Variants in KIF2C observed in about 807,000 individuals in gnomAD.
KIF2C encodes kinesin family member 2C, also known as kinesin-like protein KIF2C.
In KIF2C, 34 loss-of-function variants were observed where a neutral mutation model predicts 97.4. The observed-to-expected ratio is 0.35, with a 90% CI of 0.27 to 0.46. The LOEUF is 0.46. Ranked by LOEUF, KIF2C falls within the 20% of genes least tolerant of loss-of-function variation. The pLI is 1.00. For synonymous variants in KIF2C, 313 were observed against 318.2 expected, an observed-to-expected ratio of 0.98 and a Z score of 0.17; for missense variants, 750 against 907.6, an observed-to-expected ratio of 0.83 and a Z score of 2.23.
rs551981036 is a variant in KIF2C at position 44,754,185 on chromosome 1, T to C, written c.663+352T>C. On this transcript the variant is annotated intron_variant, in intron 7 of 20. Transcript: ENST00000372224. The stretch of plus-strand genomic sequence containing the variant: ...GTCTGGAATGCTTGGCCTTCCAAAG[T>C]GCTGGGATTGTAGGCATGAGCTGTT... Among the ~76,000 whole-genome samples the C allele has an allele frequency of 5.9e-5, 9 of 152,140 alleles. No homozygotes were observed. In the South Asian group the frequency reaches 1.2e-3, roughly 21 times the overall value.
chr1:44,743,595 C>T (rs1158673419), intron 2 of KIF2C, among the ~76,000 whole-genome samples: 1 of 152,042 alleles, frequency 6.6e-6, no homozygotes, highest in Admixed American at 6.6e-5. Flanking sequence ...TTGAGTCCAT[C>T]CTGGGCAAAT....
In KIF2C at chr1:44,766,808, G is replaced by A. The variant is rs1650493303; in HGVS notation, c.1972-18G>A. The A allele has an allele frequency of 1.9e-6, 3 of 1,613,476 alleles. No homozygotes were observed. The South Asian group carries it at 3.3e-5, about 18-fold the overall frequency. ...GCTAAATGGTTATTGAACTGACAAG[G>A]TCCTCCCTGTGTTGTAGCAAGGACC... On this transcript the variant is annotated intron_variant, in intron 19 of 20. Coordinates refer to ENST00000372224, the MANE Select transcript of KIF2C (RefSeq NM_006845.4).
In KIF2C at chr1:44,762,399, T is replaced by A. The variant is rs1346209281; in HGVS notation, c.1805T>A (p.Met602Lys). The change falls in exon 18 of 21, where the codon ATG becomes AAG. Residue 602 changes from methionine to lysine, a missense_variant. Met to Lys is a moderately conservative substitution (Grantham distance 95, BLOSUM62 -1). Transcript: ENST00000372224. ...SGPSGEQLIQ[M>K]ETEEMEACSN... ...CCCAGTGGAGAGCAGTTGATTCAAA[T>A]GGAAACAGAAGAGATGGAAGCCTGC... The A allele has an allele frequency of 6.2e-7, 1 of 1,613,980 alleles. No individual in the cohort carries two copies. Among genetic ancestry groups the A allele is most frequent in the Non-Finnish European group, 8.5e-7 (1 of 1,180,042 alleles).
intron 1 of KIF2C, 73 bp downstream of exon 1, chr1:44,740,075 A>C (rs767756546): frequency 1.3e-6 from 2 of 1,530,242 alleles, no homozygotes; most frequent in East Asian, 4.5e-5. Context: ...CCGTCCCCGG[A>C]CACACAGATG....
chr1:44,752,838 C>T (rs1018226983), intron 5 of KIF2C, among the ~76,000 whole-genome samples: 8 of 152,200 alleles, frequency 5.3e-5, no homozygotes, highest in African/African-American at 1.9e-4. Context: ...GCCTGAGAAC[C>T]CATGCTTGGG....
Position 44,756,181 on chromosome 1 carries a change from A to G in KIF2C, c.921A>G (p.Gln307=). ...KVDLTKYLEN[Q]AFCFDFAFDE... ...ACTTAACAAAGTATCTGGAGAACCA[A>G]GCATTCTGCTTTGACTTTGCATTTG... The change falls in exon 10 of 21, where the codon CAA becomes CAG. Residue 307 remains glutamine, a synonymous_variant. Transcript: ENST00000372224. 6.2e-7 allele frequency: 1 copy of G among 1,614,238 alleles called. No individual in the cohort carries two copies. Among genetic ancestry groups the G allele is most frequent in the South Asian group, 1.1e-5 (1 of 91,086 alleles).
rs545376285 is a variant in KIF2C at position 44,760,945 on chromosome 1, G to A, written c.1683+243G>A. Reference sequence around the variant, plus strand: ...TAGGTGCAGCTCTTGGTTTGGGAGAGGTCATTCCTGCATTACCTGATGAAA... The same window carrying A: ...TAGGTGCAGCTCTTGGTTTGGGAGAAGTCATTCCTGCATTACCTGATGAAA... On this transcript the variant is annotated intron_variant, in intron 16 of 20. Transcript: ENST00000372224. The surrounding 1 kb of genome is among the most constrained non-coding windows in gnomAD (Gnocchi z 4.2). 2.1e-6 allele frequency: 1 copy of A among 478,232 alleles called. No homozygotes were observed. Among genetic ancestry groups the A allele is most frequent in the Non-Finnish European group, 3.8e-6 (1 of 262,332 alleles). 29.6% of individuals were successfully genotyped at this position (478,232 alleles called of 1,614,324 possible).
Position 44,742,940 on chromosome 1 carries a change from C to T in KIF2C, c.165+1933C>T, listed in dbSNP as rs118101826. 4.1e-3 allele frequency among the ~76,000 whole-genome samples: 620 copies of T among 152,250 alleles called. 4 individuals are homozygous for T. Among genetic ancestry groups the T allele is most frequent in the East Asian group, 6.9e-3 (36 of 5,180 alleles). Reference sequence around the variant, plus strand: ...ACAGATGAGCATTGCTAGAGCAGCTCAGAGGTGGAAACTTGCTGAGAATGG... The same window carrying T: ...ACAGATGAGCATTGCTAGAGCAGCTTAGAGGTGGAAACTTGCTGAGAATGG... On this transcript the variant is annotated intron_variant, in intron 2 of 20. Coordinates refer to ENST00000372224, the MANE Select transcript of KIF2C (RefSeq NM_006845.4).
chr1:44,742,638 G>A (rs1404224240), intron 2 of KIF2C, among the ~76,000 whole-genome samples: 4 of 149,234 alleles, frequency 2.7e-5, no homozygotes, highest in African/African-American at 9.9e-5. Flanking sequence ...AGGATCACAT[G>A]AACCTGGGAG....
chr1:44,758,871 C>T (rs1394674830), intron 13 of KIF2C, among the ~76,000 whole-genome samples: 2 of 151,908 alleles, frequency 1.3e-5, no homozygotes, highest in Admixed American at 6.6e-5. Flanking sequence ...AGCGAAACTC[C>T]GTCTCAAAAT....
At chr1:44,765,073 T>G (rs575603143) in intron 19 of KIF2C, among the ~76,000 whole-genome samples, 1 of 152,070 alleles carries the variant, frequency 6.6e-6, no homozygotes, top group Non-Finnish European at 1.5e-5. Flanking sequence ...TGAGCCGAGA[T>G]GGTGCCACTG....
intron 2 of KIF2C, among the ~76,000 whole-genome samples, chr1:44,745,700 C>T (rs1408184002): frequency 6.6e-6 from 1 of 151,500 alleles, no homozygotes. Flanking sequence ...GAACTCCCGA[C>T]CTCAGGTGAT....
rs1650090560 is a variant in KIF2C, at chr1:44,760,617, A to G, written c.1598A>G (p.Asn533Ser). 6.2e-7 allele frequency: 1 copy of G among 1,614,072 alleles called. No individual in the cohort carries two copies. The highest frequency in any genetic ancestry group is 8.5e-7 in the Non-Finnish European group (1 of 1,180,032). Reference sequence around the variant, plus strand: ...GAGTGCATCAGGGCCCTGGGACAGAACAAGGCTCACACCCCGTTCCGTGAG... The same window carrying G: ...GAGTGCATCAGGGCCCTGGGACAGAGCAAGGCTCACACCCCGTTCCGTGAG... ...LKECIRALGQ[N>S]KAHTPFRESK... Residue 533 changes from asparagine (N) to serine (S), a missense_variant, in exon 16 of 21, where the codon AAC becomes AGC. Coordinates refer to ENST00000372224, the MANE Select transcript of KIF2C (RefSeq NM_006845.4). The surrounding 1 kb of genome is among the most constrained non-coding windows in gnomAD (Gnocchi z 4.2).
At chr1:44,753,961 T>TTTTTTTTTTA in intron 7 of KIF2C, 128 bp downstream of exon 7, 1 of 199,518 alleles carries the variant, frequency 5.0e-6, no homozygotes, top group African/African-American at 2.9e-5. Flanking sequence ...CCCAATTCTT[T>TTTTTTTTTTA]TTTTTTTTTT....
intron 2 of KIF2C, among the ~76,000 whole-genome samples, chr1:44,741,866 G>A (rs1216913135): frequency 6.6e-6 from 1 of 151,836 alleles, no homozygotes; most frequent in Non-Finnish European, 1.5e-5. Context: ...GGTGGTGCAT[G>A]CCTGTGGTCC....
At chr1:44,745,410 T>G (rs1198837549) in intron 2 of KIF2C, among the ~76,000 whole-genome samples, 1 of 149,152 alleles carries the variant, frequency 6.7e-6, no homozygotes, top group East Asian at 2.0e-4. Flanking sequence ...TTTGTACATA[T>G]GACTTATAAT....
intron 16 of KIF2C, among the ~76,000 whole-genome samples, chr1:44,761,671 T>C (rs1017224637): frequency 6.6e-6 from 1 of 151,500 alleles, no homozygotes; most frequent in African/African-American, 2.4e-5. Flanking sequence ...AGTGAAGGAA[T>C]AATGAAGCAA....
intron 2 of KIF2C, 150 bp downstream of exon 2, chr1:44,741,157 C>T (rs531843714): frequency 5.1e-6 from 3 of 584,924 alleles, no homozygotes; most frequent in African/African-American, 1.9e-5. Context: ...CTGAGACGGG[C>T]AGATCACCTG....
chr1:44,747,962 A>G (rs1381150071), intron 4 of KIF2C, among the ~76,000 whole-genome samples: 1 of 152,196 alleles, frequency 6.6e-6, no homozygotes, highest in Non-Finnish European at 1.5e-5. Flanking sequence ...TGCTGAGGAG[A>G]GTAGGAATCA....
Sources: gnomAD v4.1 joint callset for allele counts (sites outside exome capture counted in the v4.1 genomes callset) on GRCh38, gnomAD v4.1.1 for gene constraint, Gnocchi (gnomAD v3.1) non-coding constraint, MANE v1.5 for transcripts, NCBI Gene and HGNC (gene_info 2026-07-23, HGNC 2026-07-21) for gene names.